ZFPM2: variants seen among roughly 807,000 people sequenced by gnomAD.
The protein encoded by ZFPM2 is zinc finger protein, FOG family member 2.
Under a neutral mutation model 98.6 loss-of-function variants are expected in ZFPM2, and 20 were observed. The observed-to-expected ratio is 0.20, with a 90% CI of 0.14 to 0.29. The LOEUF is 0.29. Among genes scored for constraint, ZFPM2 ranks in the 10% least tolerant of loss-of-function variants. The pLI, the probability that ZFPM2 is intolerant of heterozygous loss-of-function variation, is 1.00. For synonymous variants in ZFPM2, 518 were observed against 502.7 expected (o/e 1.03, Z -0.41); for missense variants, 1,310 against 1,388.6 (o/e 0.94, Z 0.90).
intron 1 of ZFPM2, among the ~76,000 whole-genome samples, chr8:105,328,879 C>T (rs1438997249): frequency 6.6e-6 from 1 of 151,692 alleles, no homozygotes; most frequent in Non-Finnish European, 1.5e-5. Context: ...AAATATTGGG[C>T]CTCCCACCTC....
chr8:105,421,717 G>A (rs1811795984), intron 2 of ZFPM2, among the ~76,000 whole-genome samples: 1 of 152,152 alleles, frequency 6.6e-6, no homozygotes, highest in Admixed American at 6.6e-5. Context: ...GCATAATTAT[G>A]TTTTATTGCC....
chr8:105,470,232 A>G (rs889672862), intron 3 of ZFPM2, among the ~76,000 whole-genome samples: 1 of 152,116 alleles, frequency 6.6e-6, no homozygotes, highest in African/African-American at 2.4e-5. Context: ...TGGATAGCAC[A>G]GGGCTTAATA....
chr8:105,747,492 A>G (rs942577262), intron 5 of ZFPM2, among the ~76,000 whole-genome samples: 4 of 152,112 alleles, frequency 2.6e-5, no homozygotes, highest in Admixed American at 2.6e-4. Context: ...AAATGCAACC[A>G]TAAGTACACA....
chr8:105,530,818 G>A (rs1814282030), intron 3 of ZFPM2, among the ~76,000 whole-genome samples: 1 of 152,110 alleles, frequency 6.6e-6, no homozygotes, highest in South Asian at 2.1e-4. Flanking sequence ...TAAGACACTA[G>A]TAAATGCAAG....
At chr8:105,401,180 T>G (rs935837054) in intron 1 of ZFPM2, among the ~76,000 whole-genome samples, 12 of 152,012 alleles carry the variant, frequency 7.9e-5, no homozygotes, top group Non-Finnish European at 1.8e-4. Flanking sequence ...TTCTAGGAGT[T>G]TTTTACTGTT....
Position 105,804,068 on chromosome 8 carries a change from T to G in ZFPM2, c.*530T>G, listed in dbSNP as rs1267037598. The stretch of plus-strand genomic sequence containing the variant: ...AATCAGGCTCTGTTTGCACTTTATA[T>G]TTTAGCAGATACAGTCTCTTAGTCA... On this transcript the variant is annotated 3_prime_UTR_variant, in exon 8 of 8. Transcript: ENST00000407775. 1.3e-5 allele frequency: 2 copies of G among 154,168 alleles called. No individual in the cohort carries two copies. Among genetic ancestry groups the G allele is most frequent in the African/African-American group, 4.8e-5 (2 of 41,460 alleles). The allele number at this position is 154,168 out of a possible 1,614,324, so 9.6% of individuals were successfully genotyped here.
chr8:105,700,785 TG>T (rs1042070158), intron 5 of ZFPM2, among the ~76,000 whole-genome samples: 25 of 152,070 alleles, frequency 1.6e-4, no homozygotes, highest in African/African-American at 6.0e-4. Flanking sequence ...TACTAGAGAC[TG>T]GGTTTCACCA....
intron 1 of ZFPM2, among the ~76,000 whole-genome samples, chr8:105,336,062 A>G (rs915179730): frequency 1.3e-5 from 2 of 151,880 alleles, no homozygotes; most frequent in African/African-American, 2.4e-5. Flanking sequence ...GCACAAAGTC[A>G]TATATTTACG....
chr8:105,718,983 A>G (rs1244275643), intron 5 of ZFPM2, among the ~76,000 whole-genome samples: 1 of 151,968 alleles, frequency 6.6e-6, no homozygotes, highest in Middle Eastern at 3.2e-3. Context: ...CTCAAAGTCT[A>G]CTGGCCCCAA....
chr8:105,729,877 A>C (rs921735613), intron 5 of ZFPM2, among the ~76,000 whole-genome samples: 5 of 151,116 alleles, frequency 3.3e-5, no homozygotes, highest in African/African-American at 4.9e-5. Context: ...TCTCTATTAA[A>C]TATATATAGT....
chr8:105,555,747 G>A (rs565638978), intron 3 of ZFPM2, among the ~76,000 whole-genome samples: 10 of 152,092 alleles, frequency 6.6e-5, no homozygotes, highest in East Asian at 1.9e-4. Context: ...AGAAAAATTC[G>A]GTTTTCTCTA....
chr8:105,422,047 C>CAAAA (rs747630701), intron 2 of ZFPM2, among the ~76,000 whole-genome samples: 4 of 51,502 alleles, frequency 7.8e-5, no homozygotes, highest in African/African-American at 1.9e-4. Flanking sequence ...GACTCCATCT[C>CAAAA]AAAAAAAAAA....
chr8:105,702,816 G>T (rs1465684933), intron 5 of ZFPM2, among the ~76,000 whole-genome samples: 1 of 152,224 alleles, frequency 6.6e-6, no homozygotes, highest in Non-Finnish European at 1.5e-5. Context: ...CAGATCAGCA[G>T]CAGGAGAAAG....
At chr8:105,341,250 A>G (rs907154034) in intron 1 of ZFPM2, among the ~76,000 whole-genome samples, 2 of 151,942 alleles carry the variant, frequency 1.3e-5, no homozygotes, top group African/African-American at 2.4e-5. Context: ...ACTCAGTCCA[A>G]TGCACTTTGA....
chr8:105,481,463 G>A (rs886172030), intron 3 of ZFPM2, among the ~76,000 whole-genome samples: 19 of 152,058 alleles, frequency 1.2e-4, no homozygotes, highest in African/African-American at 4.6e-4. Context: ...ACGGAAAGAC[G>A]GGAGCTCTGC....
chr8:105,659,711 C>T (rs763687789), intron 5 of ZFPM2, among the ~76,000 whole-genome samples: 22 of 152,036 alleles, frequency 1.4e-4, no homozygotes, highest in Non-Finnish European at 2.5e-4. Context: ...AAACCCTTGC[C>T]GGAATATAAT....
At chr8:105,525,311 T>G (rs759961564) in intron 3 of ZFPM2, among the ~76,000 whole-genome samples, 2 of 152,208 alleles carry the variant, frequency 1.3e-5, no homozygotes, top group Non-Finnish European at 2.9e-5. Context: ...CTTTATTCAG[T>G]CTGTAAGCTT....
chr8:105,795,664 A>C (rs1813782339), intron 6 of ZFPM2: 1 of 323,298 alleles, frequency 3.1e-6, no homozygotes, highest in Non-Finnish European at 6.0e-6. Flanking sequence ...TATATGGAGA[A>C]TTTTTAAGTA....
intron 1 of ZFPM2, 65 bp downstream of exon 1, chr8:105,319,046 G>A: frequency 1.4e-6 from 2 of 1,452,166 alleles, no homozygotes; most frequent in Non-Finnish European, 1.8e-6. Flanking sequence ...GCGCGGGACG[G>A]GAAAGCGGTG....
Sources: gnomAD v4.1 joint callset for allele counts (sites outside exome capture counted in the v4.1 genomes callset) on GRCh38, gnomAD v4.1.1 for gene constraint, MANE v1.5 for transcripts, NCBI Gene and HGNC (gene_info 2026-07-23, HGNC 2026-07-21) for gene names.